Variants in CNKSR3 observed in about 807,000 individuals in gnomAD.
CNKSR3 encodes CNKSR family member 3.
In CNKSR3, 36 loss-of-function variants were observed where a neutral mutation model predicts 67.7. The ratio of observed to expected loss-of-function variants is 0.53; its 90% CI spans 0.41 to 0.70. The LOEUF (loss-of-function observed/expected upper bound fraction) is 0.70. Ranked by LOEUF, CNKSR3 falls within the 30% of genes least tolerant of loss-of-function variation. CNKSR3 has a pLI of 0.00. For missense variants in CNKSR3, 630 were observed against 695.2 expected (o/e 0.91, Z 1.05); for synonymous variants, 281 against 271.4 (o/e 1.04, Z -0.35).
intron 1 of CNKSR3, among the ~76,000 whole-genome samples, chr6:154,482,743 T>C (rs896598238): frequency 6.6e-5 from 10 of 152,220 alleles, no homozygotes; most frequent in African/African-American, 2.4e-4. Context: ...TTCCAACCTA[T>C]CTAGAGTTCT....
rs1429301402 is a variant in CNKSR3, at chr6:154,389,406, G to A, written c.*16948C>T. 1 of 152,312 alleles carries A rather than the reference G, an allele frequency of 6.6e-6. No individual in the cohort carries two copies. The highest frequency in any genetic ancestry group is 1.9e-4 in the East Asian group (1 of 5,206). 9.4% of individuals were successfully genotyped at this position (152,312 alleles called of 1,614,324 possible). ...TTGAAGATCAGTTGACAATATACAT[G>A]TGAATCTATTTCTGGACTCTCTATT... On this transcript the variant is annotated 3_prime_UTR_variant, in exon 13 of 13. Transcript: ENST00000607772.
chr6:154,487,728 C>T (rs1786703199), intron 1 of CNKSR3, among the ~76,000 whole-genome samples: 1 of 152,212 alleles, frequency 6.6e-6, no homozygotes, highest in African/African-American at 2.4e-5. Context: ...CATGTGCTCC[C>T]ACCTTTACCC....
chr6:154,421,041 T>A (rs1374862684), intron 9 of CNKSR3, among the ~76,000 whole-genome samples: 1 of 152,218 alleles, frequency 6.6e-6, no homozygotes, highest in Non-Finnish European at 1.5e-5. Flanking sequence ...TGAGACAGGG[T>A]CTCACTCTGT....
At chr6:154,424,761 T>TG (rs559768379) in intron 7 of CNKSR3, among the ~76,000 whole-genome samples, 2 of 152,066 alleles carry the variant, frequency 1.3e-5, no homozygotes, top group Non-Finnish European at 2.9e-5. Flanking sequence ...GTTTTGTTTT[T>TG]TTGTTGTTGT....
At position 154,400,326 on chromosome 6, in the gene CNKSR3, T is replaced by C. The variant is rs1012353676; in HGVS notation, c.*6028A>G. 1 of 152,168 alleles carries C rather than the reference T, an allele frequency of 6.6e-6. No individual in the cohort carries two copies. The highest frequency in any genetic ancestry group is 1.5e-5 in the Non-Finnish European group (1 of 68,036). 9.4% of individuals were successfully genotyped at this position (152,168 alleles called of 1,614,324 possible). A position where few individuals can be genotyped will look rare whatever the true frequency, so the allele number is the denominator to read the frequency against. ...CTCACGTTTTAATCCCTGAGGTATG[T>C]TGTAAATGGGCAGCGCATGAACAGG... On this transcript the variant is annotated 3_prime_UTR_variant, in exon 13 of 13. Transcript: ENST00000607772.
At chr6:154,439,982 AATGCCTTCAACCACAAATGCC>A (rs1190973539) in intron 4 of CNKSR3, among the ~76,000 whole-genome samples, 1 of 152,182 alleles carries the variant, frequency 6.6e-6, no homozygotes, top group Non-Finnish European at 1.5e-5. Context: ...GTATCAGGGA[AATGCCTTCAACCACAAATGCC>A]ATGCCTTCAT....
chr6:154,509,511 T>A (rs1194340214), intron 1 of CNKSR3, among the ~76,000 whole-genome samples: 3 of 149,938 alleles, frequency 2.0e-5, no homozygotes, highest in African/African-American at 7.3e-5. Flanking sequence ...CTGGCGCAAA[T>A]GCTATGGTGT....
intron 2 of CNKSR3, among the ~76,000 whole-genome samples, chr6:154,445,015 CTT>C (rs112843346): frequency 2.7e-5 from 4 of 145,560 alleles, no homozygotes; most frequent in Admixed American, 6.9e-5. Flanking sequence ...AGGTAAGAAA[CTT>C]TTTTTTTTTT....
intron 4 of CNKSR3, among the ~76,000 whole-genome samples, chr6:154,436,320 C>A (rs1283426738): frequency 1.3e-5 from 2 of 152,118 alleles, no homozygotes; most frequent in South Asian, 2.1e-4. Context: ...TACAGGCACA[C>A]ACCACCACGC....
Position 154,393,546 on chromosome 6 carries a change from T to C in CNKSR3, c.*12808A>G, listed in dbSNP as rs1422987163. ...CTCTTGCCAATTTGTAATAATTATA[T>C]GTATATATTCTTACTGCTAACCCTT... On this transcript the variant is annotated 3_prime_UTR_variant, in exon 13 of 13. Transcript: ENST00000607772. 6.6e-6 allele frequency: 1 copy of C among 152,266 alleles called. No homozygotes were observed. Among genetic ancestry groups the C allele is most frequent in the Non-Finnish European group, 1.5e-5 (1 of 68,054 alleles). The allele number at this position is 152,266 out of a possible 1,614,324, so 9.4% of individuals were successfully genotyped here.
intron 1 of CNKSR3, among the ~76,000 whole-genome samples, chr6:154,487,342 C>T (rs1317770530): frequency 2.0e-5 from 3 of 152,190 alleles, no homozygotes; most frequent in Non-Finnish European, 4.4e-5. Flanking sequence ...ATGATAAATG[C>T]TTCACTCACA....
intron 6 of CNKSR3, among the ~76,000 whole-genome samples, chr6:154,428,580 C>A (rs1422106263): frequency 6.6e-6 from 1 of 152,180 alleles, no homozygotes; most frequent in East Asian, 1.9e-4. Context: ...TGTAGCGATG[C>A]AAACACAGCT....
rs1057401502 is a variant in CNKSR3, at chr6:154,454,822, GA to G, written c.53-4565del. On this transcript the variant is annotated intron_variant, in intron 1 of 12. Coordinates refer to ENST00000607772, the MANE Select transcript of CNKSR3 (RefSeq NM_173515.4). Reference sequence around the variant, plus strand: ...CAAGTGTGAGCCACTATACCTGGCAGAAAAAAAAAAAATAATAATAAAATTT... The same window carrying G: ...CAAGTGTGAGCCACTATACCTGGCAGAAAAAAAAAAATAATAATAAAATTT... Among the ~76,000 whole-genome samples, 1,175 of 147,826 alleles carry G rather than the reference GA, an allele frequency of 7.9e-3. 19 individuals are homozygous for G. The highest frequency in any genetic ancestry group is 0.027 in the African/African-American group (1,096 of 40,772).
At chr6:154,446,285 ACTT>A (rs148916612) in intron 2 of CNKSR3, among the ~76,000 whole-genome samples, 4,671 of 152,168 alleles carry the variant, frequency 0.031, 193 homozygotes, top group East Asian at 0.19. Flanking sequence ...ACCTTACACA[ACTT>A]CTTCTCTACC....
At chr6:154,476,416 C>T (rs1185125498) in intron 1 of CNKSR3, among the ~76,000 whole-genome samples, 2 of 149,520 alleles carry the variant, frequency 1.3e-5, no homozygotes, top group Admixed American at 1.3e-4. Context: ...GAGATCGTGC[C>T]ATTGCACTCC....
chr6:154,441,251 A>G (rs1312253529), intron 4 of CNKSR3, 41 bp downstream of exon 4: 2 of 1,224,216 alleles, frequency 1.6e-6, no homozygotes, highest in South Asian at 1.4e-5. Flanking sequence ...GCAAAAAAAA[A>G]AAAAAAAAAA....
rs1215700528 is a variant in CNKSR3 at position 154,407,886 on chromosome 6, A to AAAAC, written c.1370-1235_1370-1234insGTTT. 1.5e-4 allele frequency among the ~76,000 whole-genome samples: 23 copies of AAAAC among 151,278 alleles called. No homozygotes were observed. The East Asian group carries it at 2.5e-3, about 17-fold the overall frequency. ...TTTTAGAATTTGAAAAAAAAAAAAAAAAAAAAAAACCTAAATTTCCAACAG... is the reference window on the plus strand; with the variant it reads ...TTTTAGAATTTGAAAAAAAAAAAAAAAAACAAAAAAAAACCTAAATTTCCAACAG... On this transcript the variant is annotated intron_variant, in intron 12 of 12. Transcript: ENST00000607772.
At chr6:154,502,756 A>G (rs1582907567) in intron 1 of CNKSR3, among the ~76,000 whole-genome samples, 1 of 152,210 alleles carries the variant, frequency 6.6e-6, no homozygotes, top group East Asian at 1.9e-4. Context: ...GCTCATGAAA[A>G]TAACATCTGA....
In CNKSR3 at chr6:154,403,645, A is replaced by T. The variant is rs901685292; in HGVS notation, c.*2709T>A. 3.3e-5 allele frequency: 5 copies of T among 151,914 alleles called. No homozygotes were observed. The highest frequency in any genetic ancestry group is 1.3e-4 in the Admixed American group (2 of 15,234). 9.4% of individuals were successfully genotyped at this position (151,914 alleles called of 1,614,324 possible). A position where few individuals can be genotyped will look rare whatever the true frequency, so the allele number is the denominator to read the frequency against. On this transcript the variant is annotated 3_prime_UTR_variant, in exon 13 of 13. Coordinates refer to ENST00000607772, the MANE Select transcript of CNKSR3 (RefSeq NM_173515.4). ...GCAATATATTTTTCAAACACAATTCAGGAGAAAACCTCAAATAAAAAGAAA... is the reference window on the plus strand; with the variant it reads ...GCAATATATTTTTCAAACACAATTCTGGAGAAAACCTCAAATAAAAAGAAA...
Sources: gnomAD v4.1 joint callset for allele counts (sites outside exome capture counted in the v4.1 genomes callset) on GRCh38, gnomAD v4.1.1 for gene constraint, MANE v1.5 for transcripts, NCBI Gene and HGNC (gene_info 2026-07-23, HGNC 2026-07-21) for gene names.